The following MRTO4 variants were observed in gnomAD, a reference collection of about 807,000 sequenced individuals.
MRTO4 encodes the protein mRNA turnover protein 4 homolog.
Under a neutral mutation model 28.6 loss-of-function variants are expected in MRTO4, and 7 were observed. That is an observed-to-expected ratio of 0.24 (90% confidence interval 0.14 to 0.46). The LOEUF is 0.46. Ranked by LOEUF, MRTO4 falls within the 20% of genes least tolerant of loss-of-function variation. The pLI is 0.99. For synonymous variants in MRTO4, 113 were observed against 108.2 expected (o/e 1.04, Z -0.27); for missense variants, 302 against 298.3 (o/e 1.01, Z -0.09).
intron 1 of MRTO4, among the ~76,000 whole-genome samples, chr1:19,254,352 G>A (rs1225703655): frequency 3.3e-5 from 5 of 151,964 alleles, no homozygotes; most frequent in Non-Finnish European, 4.4e-5. Context: ...AGCCCAGATC[G>A]TGCCATTGCA....
chr1:19,257,221 C>A, intron 4 of MRTO4, 76 bp downstream of exon 4: 1 of 1,497,560 alleles, frequency 6.7e-7, no homozygotes, highest in Non-Finnish European at 9.2e-7. Flanking sequence ...TGACAGCCTC[C>A]CCCAGCCATT....
rs567417684 is a variant in MRTO4 at position 19,255,537 on chromosome 1, C to T, written c.88-411C>T. ...AGTCTCCTCCTGCACAATGACTCCA[C>T]TCCTAGAGGCTGCCTCATGGTGGCT... On this transcript the variant is annotated intron_variant, in intron 2 of 7. Coordinates refer to ENST00000330263, the MANE Select transcript of MRTO4 (RefSeq NM_016183.4). 5.3e-5 allele frequency among the ~76,000 whole-genome samples: 8 copies of T among 152,336 alleles called. No homozygotes were observed. In the South Asian group the frequency reaches 1.7e-3, roughly 32 times the overall value.
chr1:19,258,131 TG>T, intron 6 of MRTO4, 147 bp downstream of exon 6: 1 of 1,118,764 alleles, frequency 8.9e-7, no homozygotes. Context: ...TGCCTCACAG[TG>T]GGGGTGAAAG....
chr1:19,258,945 G>C lies in MRTO4; in HGVS notation c.*115G>C, dbSNP rs142072203. On this transcript the variant is annotated 3_prime_UTR_variant, in exon 8 of 8. Transcript: ENST00000330263. ...TTATTTGTCTGTAGACAGGGAACAT[G>C]ATGGGCACTGACCTCCTGTAAAGAA... 3.2e-6 allele frequency: 4 copies of C among 1,236,772 alleles called. No homozygotes were observed. The highest frequency in any genetic ancestry group is 3.1e-5 in the African/African-American group (2 of 65,508). The allele number at this position is 1,236,772 out of a possible 1,614,324, so 76.6% of individuals were successfully genotyped here.
rs762900630 is a variant in MRTO4, at chr1:19,258,512, A to C, written c.529A>C (p.Lys177Gln). ...VTLLSDYEVC[K>Q]EGDVLTPEQA... is the part of the protein sequence containing the mutation. ...TCTGCTGTCTGACTACGAGGTGTGC[A>C]AGGAGGGCGATGTGCTGACCCCAGA... Residue 177 changes from lysine to glutamine, a missense_variant, in exon 7 of 8, where the codon AAG becomes CAG. Lys to Gln is a moderately conservative substitution (Grantham distance 53). Transcript: ENST00000330263. 5 of 1,614,056 alleles carry C rather than the reference A, an allele frequency of 3.1e-6. No homozygotes were observed. Among genetic ancestry groups the C allele is most frequent in the Non-Finnish European group, 4.2e-6 (5 of 1,180,010 alleles).
Position 19,257,090 on chromosome 1 carries a change from T to C in MRTO4, c.218T>C (p.Met73Thr), listed in dbSNP as rs778636679. Residue 73 changes from methionine to threonine, a missense_variant, in exon 4 of 8, where the codon ATG becomes ACG. Transcript: ENST00000330263. The part of the protein sequence containing the change: ...SRMFFGKNKV[M>T]MVALGRSPSD... ...ATGTTCTTTGGCAAAAACAAGGTGATGATGGTGGCCTTGGGTCGGAGCCCA... is the reference window on the plus strand; with the variant it reads ...ATGTTCTTTGGCAAAAACAAGGTGACGATGGTGGCCTTGGGTCGGAGCCCA... 6.2e-7 allele frequency: 1 copy of C among 1,614,134 alleles called. No individual in the cohort carries two copies. The highest frequency in any genetic ancestry group is 1.1e-5 in the South Asian group (1 of 91,080).
At position 19,256,067 on chromosome 1, in the gene MRTO4, G is replaced by A. The variant is rs771990688; in HGVS notation, c.191+16G>A. On this transcript the variant is annotated intron_variant, in intron 3 of 7. Coordinates refer to ENST00000330263, the MANE Select transcript of MRTO4 (RefSeq NM_016183.4). ...AGCACAGCCGGTGAGCGGGCAGGGG[G>A]AGGAAGGCCCTTCTGAGTGGGGACC... 6.2e-7 allele frequency: 1 copy of A among 1,612,042 alleles called. No individual in the cohort carries two copies. The highest frequency in any genetic ancestry group is 8.5e-7 in the Non-Finnish European group (1 of 1,178,262).
intron 7 of MRTO4, 29 bp downstream of exon 7, chr1:19,258,582 G>T (rs375124206): frequency 6.2e-7 from 1 of 1,613,946 alleles, no homozygotes; most frequent in Admixed American, 1.7e-5. Context: ...GGGCTGTTGC[G>T]GGCGGGGTTG....
intron 7 of MRTO4, 59 bp from the exon 8 acceptor site, chr1:19,258,622 C>T: frequency 1.2e-6 from 2 of 1,614,008 alleles, no homozygotes; most frequent in Non-Finnish European, 1.7e-6. Flanking sequence ...TGAAAATGCC[C>T]CCCTGCACTT....
At chr1:19,254,721 A>G in intron 1 of MRTO4, 61 bp from the exon 2 acceptor site, 8 of 1,369,632 alleles carry the variant, frequency 5.8e-6, no homozygotes, top group East Asian at 2.3e-5. Context: ...GGAGAAGAAA[A>G]TAAGTCTCCA....
intron 1 of MRTO4, chr1:19,252,157 C>T: frequency 2.2e-6 from 1 of 456,040 alleles, no homozygotes; most frequent in Non-Finnish European, 3.9e-6. Flanking sequence ...GCTATGCCTG[C>T]TGCCGTTTCG....
chr1:19,256,385 A>T (rs902562543), intron 3 of MRTO4, among the ~76,000 whole-genome samples: 2 of 152,162 alleles, frequency 1.3e-5, no homozygotes, highest in African/African-American at 4.8e-5. Flanking sequence ...GCATGGTGGC[A>T]GGCACCTATA....
Position 19,254,673 on chromosome 1 carries a change from A to G in MRTO4, c.29-109A>G. 3.2e-6 allele frequency: 3 copies of G among 930,464 alleles called. No individual in the cohort carries two copies. The South Asian group carries it at 4.1e-5, about 13-fold the overall frequency. 57.6% of individuals were successfully genotyped at this position (930,464 alleles called of 1,614,324 possible). A position where few individuals can be genotyped will look rare whatever the true frequency, so the allele number is the denominator to read the frequency against. ...CACAAAGGCCTTGCTGCCTTTTTTCAGAATGGCTGCATCCAGCTGAGTGCT... is the reference window on the plus strand; with the variant it reads ...CACAAAGGCCTTGCTGCCTTTTTTCGGAATGGCTGCATCCAGCTGAGTGCT... On this transcript the variant is annotated intron_variant, in intron 1 of 7. Transcript: ENST00000330263.
At chr1:19,253,012 A>T (rs963781226) in intron 1 of MRTO4, among the ~76,000 whole-genome samples, 5 of 152,202 alleles carry the variant, frequency 3.3e-5, no homozygotes, top group Admixed American at 6.5e-5. Flanking sequence ...GCTCCCTGGA[A>T]TATTCAAAAA....
intron 3 of MRTO4, 60 bp downstream of exon 3, chr1:19,256,111 T>C (rs1004546372): frequency 5.0e-5 from 74 of 1,481,392 alleles, no homozygotes; most frequent in Non-Finnish European, 6.5e-5. Flanking sequence ...CTGCTCTCAG[T>C]CAAAGCACAG....
In MRTO4 at chr1:19,257,145, G is replaced by A. The variant is rs773508998; in HGVS notation, c.273G>A (p.Gln91=). ...PSDEYKDNLH[Q]VSKRLRGEVG... Reference sequence around the variant, plus strand: ...ATGAATACAAAGACAACCTGCACCAGGTAAGTCTCTGGCCCTCACGGGGTG... The same window carrying A: ...ATGAATACAAAGACAACCTGCACCAAGTAAGTCTCTGGCCCTCACGGGGTG... The change falls in exon 4 of 8, where the codon CAG becomes CAA. Residue 91 remains glutamine (Q), a splice_region_variant and synonymous_variant. Coordinates refer to ENST00000330263, the MANE Select transcript of MRTO4 (RefSeq NM_016183.4). The A allele has an allele frequency of 1.2e-6, 2 of 1,614,018 alleles. No individual in the cohort carries two copies. Among genetic ancestry groups the A allele is most frequent in the Non-Finnish European group, 1.7e-6 (2 of 1,179,934 alleles).
At position 19,256,002 on chromosome 1, in the gene MRTO4, A is replaced by T; in HGVS notation, c.142A>T (p.Met48Leu). The T allele has an allele frequency of 6.2e-7, 1 of 1,614,138 alleles. No homozygotes were observed. The highest frequency in any genetic ancestry group is 8.5e-7 in the Non-Finnish European group (1 of 1,180,026). ...KYLFIFSVAN[M>L]RNSKLKDIRN... The stretch of plus-strand genomic sequence containing the variant: ...CCTTTTCATCTTCTCTGTGGCCAAC[A>T]TGAGGAACAGCAAGCTGAAGGACAT... The change falls in exon 3 of 8, where the codon ATG becomes TTG. Residue 48 changes from methionine (M) to leucine (L), a missense_variant. Met to Leu is a conservative substitution (Grantham distance 15). Transcript: ENST00000330263.
At chr1:19,256,615 C>G (rs2093671907) in intron 3 of MRTO4, among the ~76,000 whole-genome samples, 1 of 152,182 alleles carries the variant, frequency 6.6e-6, no homozygotes, top group African/African-American at 2.4e-5. Flanking sequence ...CCCTTTAACC[C>G]TGGACTGTGG....
At position 19,253,227 on chromosome 1, in the gene MRTO4, TAAAG is replaced by T. The variant is rs540336878; in HGVS notation, c.28+1369_28+1372del. ...GATGAAGTGACAAATGAGCAGAAAATAAAGAAAGGAAGCGAGCAACCTGTGGAAT... is the reference window on the plus strand; with the variant it reads ...GATGAAGTGACAAATGAGCAGAAAATAAAGGAAGCGAGCAACCTGTGGAAT... On this transcript the variant is annotated intron_variant, in intron 1 of 7. Transcript: ENST00000330263. Among the ~76,000 whole-genome samples, 141 of 152,050 alleles carry T rather than the reference TAAAG, an allele frequency of 9.3e-4. 1 individual carries two copies. The highest frequency in any genetic ancestry group is 3.3e-3 in the African/African-American group (137 of 41,462).
Sources: allele counts gnomAD v4.1 joint callset (sites outside exome capture counted in the v4.1 genomes callset), GRCh38; gene constraint gnomAD v4.1.1; transcripts MANE v1.5; gene names NCBI Gene and HGNC (gene_info 2026-07-23, HGNC 2026-07-21).